The following WDR49 variants were observed in gnomAD, a reference collection of about 807,000 sequenced individuals.
The protein encoded by WDR49 is WD repeat domain 49.
Under a neutral mutation model 119.5 loss-of-function variants are expected in WDR49, and 107 were observed. The ratio of observed to expected loss-of-function variants is 0.90; its 90% CI spans 0.77 to 1.05. WDR49 has a LOEUF of 1.05. Among genes scored for constraint, WDR49 ranks in the 50% least tolerant of loss-of-function variants. The pLI, the probability that WDR49 is intolerant of heterozygous loss-of-function variation, is 0.00. For missense variants in WDR49, 1,240 were observed against 1,220.5 expected, an observed-to-expected ratio of 1.02 and a Z score of -0.24; for synonymous variants, 425 against 418.8, an observed-to-expected ratio of 1.01 and a Z score of -0.18.
intron 15 of WDR49, among the ~76,000 whole-genome samples, chr3:167,523,788 T>C (rs951455385): frequency 1.3e-5 from 2 of 152,190 alleles, no homozygotes; most frequent in South Asian, 2.1e-4. Context: ...CTTTTTCTGG[T>C]CTATCATTGA....
rs1480619782 is a variant in WDR49, at chr3:167,529,164, G to T, written c.2294C>A (p.Ala765Asp). ...AACTCCACTATGAGCCAAAAATTCA[G>T]CCAGAAGTTGCTTCTTATATATATC... ...FWDIYKKQLL[A>D]EFLAHSGVGS... Residue 765 changes from alanine to aspartate, a missense_variant, in exon 14 of 19, where the codon GCT becomes GAT. Physicochemically the swap from Ala to Asp is moderately radical, Grantham distance 126 (BLOSUM62 -2). Coordinates refer to ENST00000682715, the MANE Select transcript of WDR49 (RefSeq NM_001366157.1). 1.2e-6 allele frequency: 2 copies of T among 1,612,022 alleles called. No individual in the cohort carries two copies. Among genetic ancestry groups the T allele is most frequent in the Admixed American group, 1.7e-5 (1 of 59,462 alleles).
intron 16 of WDR49, among the ~76,000 whole-genome samples, chr3:167,514,607 A>G (rs888450362): frequency 1.3e-5 from 2 of 150,208 alleles, no homozygotes; most frequent in Non-Finnish European, 3.0e-5. Context: ...CCAAGGTCAG[A>G]GCAGAACTGA....
At chr3:167,518,689 G>T (rs1023623746) in intron 16 of WDR49, among the ~76,000 whole-genome samples, 1 of 151,200 alleles carries the variant, frequency 6.6e-6, no homozygotes, top group African/African-American at 2.4e-5. Context: ...TAGGTTGCCT[G>T]TTCACTCTGA....
At chr3:167,614,284 AGACATGGTTTCACCAC>A (rs2108316224) in intron 5 of WDR49, among the ~76,000 whole-genome samples, 1 of 152,138 alleles carries the variant, frequency 6.6e-6, no homozygotes, top group South Asian at 2.1e-4. Context: ...TTGTTAGTAG[AGACATGGTTTCACCAC>A]GTTGGCCAGG....
chr3:167,638,171 G>T (rs1359329704), intron 2 of WDR49, among the ~76,000 whole-genome samples: 1 of 151,446 alleles, frequency 6.6e-6, no homozygotes, highest in Non-Finnish European at 1.5e-5. Context: ...AAGGTATCTT[G>T]TATGGACTAG....
intron 16 of WDR49, among the ~76,000 whole-genome samples, chr3:167,511,438 C>A (rs1323864923): frequency 6.6e-6 from 1 of 152,178 alleles, no homozygotes; most frequent in Non-Finnish European, 1.5e-5. Flanking sequence ...ATCTTATAAT[C>A]AACATGAGAA....
intron 5 of WDR49, among the ~76,000 whole-genome samples, chr3:167,616,369 A>G (rs1297683961): frequency 6.6e-6 from 1 of 152,228 alleles, no homozygotes; most frequent in Non-Finnish European, 1.5e-5. Flanking sequence ...AATATTAGCA[A>G]CAATATTTCA....
At chr3:167,559,965 A>T (rs1713163485) in intron 9 of WDR49, 99 bp downstream of exon 9, 2 of 1,357,490 alleles carry the variant, frequency 1.5e-6, no homozygotes, top group African/African-American at 2.9e-5. Context: ...TTCTTGCAAT[A>T]CCAAAAAGGC....
intron 7 of WDR49, among the ~76,000 whole-genome samples, chr3:167,588,405 A>G (rs1001028110): frequency 6.6e-6 from 1 of 152,176 alleles, no homozygotes; most frequent in Non-Finnish European, 1.5e-5. Flanking sequence ...ACAGTGCTGC[A>G]ACAAACATGG....
chr3:167,509,861 A>G (rs1213658465), intron 16 of WDR49, among the ~76,000 whole-genome samples: 1 of 152,224 alleles, frequency 6.6e-6, no homozygotes, highest in Admixed American at 6.5e-5. Context: ...ATGGATACTC[A>G]TATTAACTAA....
intron 18 of WDR49, among the ~76,000 whole-genome samples, chr3:167,488,187 CA>C (rs1750998287): frequency 7.0e-6 from 1 of 142,262 alleles, no homozygotes; most frequent in South Asian, 2.1e-4. Context: ...CACACACACA[CA>C]CACACCATGG....
intron 2 of WDR49, among the ~76,000 whole-genome samples, chr3:167,649,879 T>C (rs1394262669): frequency 6.6e-6 from 1 of 152,186 alleles, no homozygotes; most frequent in Non-Finnish European, 1.5e-5. Context: ...AGCTCTCAGC[T>C]TACAGTCAGG....
chr3:167,539,225 AT>A (rs1377613382), intron 10 of WDR49, among the ~76,000 whole-genome samples: 2 of 152,120 alleles, frequency 1.3e-5, no homozygotes, highest in African/African-American at 4.8e-5. Flanking sequence ...TTTTAAATTT[AT>A]TTTTTGCTTG....
At chr3:167,487,562 C>G (rs1278852855) in intron 18 of WDR49, among the ~76,000 whole-genome samples, 1 of 151,982 alleles carries the variant, frequency 6.6e-6, no homozygotes, top group Non-Finnish European at 1.5e-5. Context: ...TTCATCACAG[C>G]AAAACAAACC....
intron 7 of WDR49, among the ~76,000 whole-genome samples, chr3:167,588,435 A>C (rs1293593177): frequency 6.6e-6 from 1 of 152,126 alleles, no homozygotes; most frequent in Non-Finnish European, 1.5e-5. Context: ...TATCTATACG[A>C]TATACTGATT....
chr3:167,613,350 T>C (rs2108315459), intron 5 of WDR49, among the ~76,000 whole-genome samples: 1 of 152,326 alleles, frequency 6.6e-6, no homozygotes, highest in South Asian at 2.1e-4. Context: ...TACAAATGAA[T>C]CTTATTCTTC....
intron 18 of WDR49, among the ~76,000 whole-genome samples, chr3:167,479,327 G>T (rs1243177117): frequency 1.3e-5 from 2 of 151,862 alleles, no homozygotes; most frequent in Admixed American, 1.3e-4. Flanking sequence ...AAAGAGCCAA[G>T]AAAAAATTAT....
intron 2 of WDR49, among the ~76,000 whole-genome samples, chr3:167,637,723 G>T (rs1315688365): frequency 6.6e-6 from 1 of 151,486 alleles, no homozygotes; most frequent in African/African-American, 2.4e-5. Context: ...TCCTTGGTTA[G>T]GTATGTTCCT....
In WDR49 at chr3:167,621,762, C is replaced by G. The variant is rs760491026; in HGVS notation, c.607-119G>C. The G allele has an allele frequency of 1.6e-4, 148 of 932,622 alleles. 1 individual carries two copies. The highest frequency in any genetic ancestry group is 2.0e-4 in the Non-Finnish European group (130 of 649,658). 57.8% of individuals were successfully genotyped at this position (932,622 alleles called of 1,614,324 possible). Reference sequence around the variant, plus strand: ...GACTTTGTTCTCTGAGGATCCTTAACAGTATTACAGAAGTTAAGAACAGCG... The same window carrying G: ...GACTTTGTTCTCTGAGGATCCTTAAGAGTATTACAGAAGTTAAGAACAGCG... On this transcript the variant is annotated intron_variant, in intron 3 of 18. Transcript: ENST00000682715.
Sources: allele counts gnomAD v4.1 joint callset (sites outside exome capture counted in the v4.1 genomes callset), GRCh38; gene constraint gnomAD v4.1.1; transcripts MANE v1.5; gene names NCBI Gene and HGNC (gene_info 2026-07-23, HGNC 2026-07-21).